Variants in SLC25A13 observed in about 807,000 individuals in gnomAD.
SLC25A13 encodes the protein solute carrier family 25 member 13.
Under a neutral mutation model 85.5 loss-of-function variants are expected in SLC25A13, and 70 were observed. That is an observed-to-expected ratio of 0.82 (90% CI 0.68 to 1.00). The LOEUF (loss-of-function observed/expected upper bound fraction) is 1.00. SLC25A13 is among the 50% of genes least tolerant of loss of function. The pLI, the probability that SLC25A13 is intolerant of heterozygous loss-of-function variation, is 0.00. For missense variants in SLC25A13, 765 were observed against 819.8 expected (o/e 0.93, Z 0.82); for synonymous variants, 259 against 288.7 (o/e 0.90, Z 1.04).
chr7:96,316,248 G>A (rs1191251064), intron 1 of SLC25A13, among the ~76,000 whole-genome samples: 1 of 151,934 alleles, frequency 6.6e-6, no homozygotes, highest in Non-Finnish European at 1.5e-5. Flanking sequence ...GCTTTAAATG[G>A]GTAAATTGTA....
intron 5 of SLC25A13, among the ~76,000 whole-genome samples, chr7:96,200,206 T>C: frequency 6.6e-6 from 1 of 152,184 alleles, no homozygotes; most frequent in Non-Finnish European, 1.5e-5. Flanking sequence ...TTCAAAATAA[T>C]TCCTTTTTAG....
intron 2 of SLC25A13, among the ~76,000 whole-genome samples, chr7:96,286,284 C>CAA (rs34958208): frequency 4.6e-5 from 5 of 109,320 alleles, no homozygotes; most frequent in South Asian, 3.2e-4. Flanking sequence ...GACTCCATCT[C>CAA]AAAAAAAAAA....
At chr7:96,234,989 T>C in intron 3 of SLC25A13, 72 bp from the exon 4 acceptor site, 2 of 1,074,338 alleles carry the variant, frequency 1.9e-6, no homozygotes, top group Non-Finnish European at 2.8e-6. Context: ...AAACATACAC[T>C]GAGGGAAAAA....
intron 14 of SLC25A13, among the ~76,000 whole-genome samples, chr7:96,141,019 CTTTTTT>C (rs11433644): frequency 8.0e-6 from 1 of 124,708 alleles, no homozygotes; most frequent in Non-Finnish European, 1.7e-5. Context: ...TTTTTTCTTT[CTTTTTT>C]TTTTTTTTTT....
intron 3 of SLC25A13, among the ~76,000 whole-genome samples, chr7:96,255,413 C>T (rs981348548): frequency 3.3e-5 from 5 of 152,154 alleles, no homozygotes; most frequent in African/African-American, 7.2e-5. Context: ...CAGCTAGGTG[C>T]GGTAGCTCAC....
chr7:96,145,352 G>A (rs1030326870), intron 14 of SLC25A13, among the ~76,000 whole-genome samples: 18 of 152,260 alleles, frequency 1.2e-4, no homozygotes, highest in Middle Eastern at 3.4e-3. Flanking sequence ...TCCTGAGACA[G>A]CCACAATTAT....
intron 5 of SLC25A13, among the ~76,000 whole-genome samples, chr7:96,201,490 T>TG (rs1485826392): frequency 7.4e-6 from 1 of 135,496 alleles, no homozygotes; most frequent in East Asian, 2.1e-4. Flanking sequence ...CCAGCCTGGG[T>TG]GACAGAGTGA....
chr7:96,271,023 C>G lies in SLC25A13; in HGVS notation c.212+6173G>C, dbSNP rs565698290. ...GACATTTGTGATGGAATTTAGAGCCCACCTAAACAATCCAGAGTAATATCT... is the reference window on the plus strand; with the variant it reads ...GACATTTGTGATGGAATTTAGAGCCGACCTAAACAATCCAGAGTAATATCT... On this transcript the variant is annotated intron_variant, in intron 3 of 17. Coordinates refer to ENST00000265631, the MANE Select transcript of SLC25A13 (RefSeq NM_014251.3). 1.3e-3 allele frequency among the ~76,000 whole-genome samples: 196 copies of G among 152,242 alleles called. 1 individual carries two copies. The highest frequency in any genetic ancestry group is 5.6e-3 in the South Asian group (27 of 4,814).
At chr7:96,213,087 A>C (rs1456726032) in intron 4 of SLC25A13, among the ~76,000 whole-genome samples, 2 of 152,226 alleles carry the variant, frequency 1.3e-5, no homozygotes, top group Non-Finnish European at 2.9e-5. Context: ...CATTTTCTCC[A>C]AAAATATTTT....
intron 2 of SLC25A13, among the ~76,000 whole-genome samples, chr7:96,292,952 A>T (rs1451009919): frequency 2.0e-5 from 3 of 152,234 alleles, no homozygotes; most frequent in African/African-American, 7.2e-5. Flanking sequence ...ATGGAACCAA[A>T]AAAGAGCCTG....
intron 15 of SLC25A13, among the ~76,000 whole-genome samples, chr7:96,124,830 C>T (rs1296858011): frequency 6.6e-6 from 1 of 152,180 alleles, no homozygotes; most frequent in Admixed American, 6.5e-5. Context: ...CACCACTTCC[C>T]TGACTAAATA....
intron 9 of SLC25A13, 60 bp downstream of exon 9, chr7:96,189,234 C>A: frequency 4.1e-6 from 6 of 1,461,992 alleles, no homozygotes; most frequent in Non-Finnish European, 5.7e-6. Context: ...GCAAGTGGAA[C>A]AGGGTTGGGG....
At chr7:96,158,452 C>T (rs967317246) in intron 13 of SLC25A13, among the ~76,000 whole-genome samples, 3 of 152,126 alleles carry the variant, frequency 2.0e-5, no homozygotes, top group African/African-American at 7.2e-5. Context: ...TTTAATCACC[C>T]TCCTTTAATT....
intron 5 of SLC25A13, among the ~76,000 whole-genome samples, chr7:96,201,294 G>A (rs750354573): frequency 8.5e-5 from 13 of 152,070 alleles, no homozygotes; most frequent in African/African-American, 2.4e-4. Flanking sequence ...TGGATTGCTT[G>A]AGGTCAGGAG....
chr7:96,228,449 T>A (rs1274382036), intron 4 of SLC25A13, among the ~76,000 whole-genome samples: 2 of 152,134 alleles, frequency 1.3e-5, no homozygotes, highest in Non-Finnish European at 2.9e-5. Flanking sequence ...CAGTGAGATA[T>A]CACTAAAATA....
chr7:96,208,644 C>G (rs1795555321), intron 5 of SLC25A13, among the ~76,000 whole-genome samples, 194 bp downstream of exon 5: 1 of 151,834 alleles, frequency 6.6e-6, no homozygotes, highest in Non-Finnish European at 1.5e-5. Context: ...TAGCTGGGAC[C>G]ACAGGCGCCG....
At position 96,146,547 on chromosome 7, in the gene SLC25A13, A is replaced by C; in HGVS notation, c.1452+9T>G. 6.2e-7 allele frequency: 1 copy of C among 1,612,018 alleles called. No individual in the cohort carries two copies. Among genetic ancestry groups the C allele is most frequent in the Non-Finnish European group, 8.5e-7 (1 of 1,179,542 alleles). The stretch of plus-strand genomic sequence containing the variant: ...ATCAAATAAATGACTAAAAAAAAAA[A>C]AAAGTTACCTTGTAGATCCCAAAAA... On this transcript the variant is annotated intron_variant, in intron 14 of 17. Transcript: ENST00000265631.
At chr7:96,144,942 T>C (rs2116475817) in intron 14 of SLC25A13, among the ~76,000 whole-genome samples, 1 of 152,290 alleles carries the variant, frequency 6.6e-6, no homozygotes, top group African/African-American at 2.4e-5. Flanking sequence ...TCCTGGCATC[T>C]TGTCAAAATG....
chr7:96,173,811 C>T (rs144288157), intron 11 of SLC25A13, among the ~76,000 whole-genome samples: 2 of 152,250 alleles, frequency 1.3e-5, no homozygotes, highest in East Asian at 1.9e-4. Flanking sequence ...CTAAAAGACA[C>T]GCAAATCAAG....
Sources: allele counts gnomAD v4.1 joint callset (sites outside exome capture counted in the v4.1 genomes callset), GRCh38; gene constraint gnomAD v4.1.1; transcripts MANE v1.5; gene names NCBI Gene and HGNC (gene_info 2026-07-23, HGNC 2026-07-21).